The following PDE11A variants were observed in gnomAD, a reference collection of about 807,000 sequenced individuals.
PDE11A encodes the protein dual 3',5'-cyclic-AMP and -GMP phosphodiesterase 11A.
In PDE11A, 100 loss-of-function variants were observed where a neutral mutation model predicts 100.5. The ratio of observed to expected loss-of-function variants is 1.00; its 90% confidence interval spans 0.85 to 1.18. The LOEUF is 1.18. Ranked by LOEUF, PDE11A falls within the 50% of genes most tolerant of loss-of-function variation. PDE11A has a pLI of 0.00. For synonymous variants in PDE11A, 381 were observed against 420.8 expected (o/e 0.91, Z 1.16); for missense variants, 1,141 against 1,152.6 (o/e 0.99, Z 0.15).
chr2:177,689,018 A>G (rs1230318205), intron 15 of PDE11A, among the ~76,000 whole-genome samples: 2 of 152,218 alleles, frequency 1.3e-5, no homozygotes, highest in Admixed American at 6.5e-5. Flanking sequence ...GAAAGTCCAT[A>G]AACATTAGGA....
intron 14 of PDE11A, 50 bp from the exon 15 acceptor site, chr2:177,697,482 T>G (rs1484979962): frequency 1.1e-6 from 1 of 888,740 alleles, no homozygotes; most frequent in Non-Finnish European, 1.9e-6. Context: ...CTGTGGTTGT[T>G]GATTACATGT....
At chr2:177,779,494 T>G (rs2082422922) in intron 9 of PDE11A, among the ~76,000 whole-genome samples, 1 of 152,256 alleles carries the variant, frequency 6.6e-6, no homozygotes, top group Non-Finnish European at 1.5e-5. Context: ...GCCACTGTTT[T>G]GTCAACTAAA....
At chr2:177,964,687 G>A (rs2085676756) in intron 2 of PDE11A, among the ~76,000 whole-genome samples, 1 of 152,146 alleles carries the variant, frequency 6.6e-6, no homozygotes, top group South Asian at 2.1e-4. Context: ...ATAGACTCCA[G>A]CTCCATCCAT....
intron 2 of PDE11A, among the ~76,000 whole-genome samples, chr2:177,962,354 C>G (rs1418581046): frequency 6.6e-6 from 1 of 151,984 alleles, no homozygotes; most frequent in African/African-American, 2.4e-5. Context: ...ATCAATATCC[C>G]TAGTCACAGT....
chr2:177,906,009 C>G (rs2084780185), intron 2 of PDE11A, among the ~76,000 whole-genome samples: 1 of 152,128 alleles, frequency 6.6e-6, no homozygotes, highest in South Asian at 2.1e-4. Context: ...ATCTCTGATT[C>G]CAGAGAGATA....
Position 177,865,100 on chromosome 2 carries a change from A to G in PDE11A, c.1367+10759T>C, listed in dbSNP as rs147330782. ...TCAAGACCAGCCTGGCCAACATGGC[A>G]AAACCCAATCTCTACTAAAAGTACA... is the stretch of plus-strand genomic sequence containing the variant. On this transcript the variant is annotated intron_variant, in intron 5 of 19. Coordinates refer to ENST00000286063, the MANE Select transcript of PDE11A (RefSeq NM_016953.4). Among the ~76,000 whole-genome samples the G allele has an allele frequency of 7.3e-3, 1,104 of 152,222 alleles. 13 individuals are homozygous for G. The highest frequency in any genetic ancestry group is 0.025 in the African/African-American group (1,028 of 41,546).
intron 5 of PDE11A, among the ~76,000 whole-genome samples, chr2:177,862,663 C>T (rs899248942): frequency 8.6e-5 from 13 of 151,782 alleles, no homozygotes; most frequent in African/African-American, 3.1e-4. Context: ...AACTATAAAT[C>T]ACTGATGAAA....
At chr2:178,050,181 T>G (rs2086805535) in intron 1 of PDE11A, among the ~76,000 whole-genome samples, 1 of 152,164 alleles carries the variant, frequency 6.6e-6, no homozygotes, top group African/African-American at 2.4e-5. Flanking sequence ...CAGCAACATT[T>G]GCCGTTCTGC....
chr2:177,679,704 G>A (rs2080831868), intron 16 of PDE11A, among the ~76,000 whole-genome samples: 1 of 152,140 alleles, frequency 6.6e-6, no homozygotes, highest in Admixed American at 6.5e-5. Context: ...AGAAAAGGCA[G>A]CCTGTAGGGA....
chr2:177,863,268 T>C (rs1039360283), intron 5 of PDE11A, among the ~76,000 whole-genome samples: 5 of 151,974 alleles, frequency 3.3e-5, no homozygotes, highest in Admixed American at 1.3e-4. Context: ...GACAATGCCT[T>C]GGTCATGATT....
chr2:177,718,597 AAAG>A (rs1559158640), intron 12 of PDE11A, among the ~76,000 whole-genome samples: 1 of 152,212 alleles, frequency 6.6e-6, no homozygotes, highest in Non-Finnish European at 1.5e-5. Flanking sequence ...TTTGGAGAGA[AAAG>A]AAAGATACAA....
chr2:177,793,578 G>A (rs1282004893), intron 9 of PDE11A, among the ~76,000 whole-genome samples: 1 of 148,466 alleles, frequency 6.7e-6, no homozygotes, highest in Non-Finnish European at 1.5e-5. Context: ...ACTCAGGGAG[G>A]AAAGGACCAG....
chr2:177,921,678 C>A (rs777623495), intron 2 of PDE11A: 1 of 152,102 alleles, frequency 6.6e-6, no homozygotes, highest in Non-Finnish European at 1.5e-5. Flanking sequence ...TATACATATT[C>A]TTCCAGACCC....
rs188494592 is a variant in PDE11A at position 177,777,434 on chromosome 2, T to C, written c.1738-8061A>G. On this transcript the variant is annotated intron_variant, in intron 9 of 19. Coordinates refer to ENST00000286063, the MANE Select transcript of PDE11A (RefSeq NM_016953.4). ...ACTGTTTTATATACATAAATAATATTATATGGCTCAGATAATGACTAAAAA... is the reference window on the plus strand; with the variant it reads ...ACTGTTTTATATACATAAATAATATCATATGGCTCAGATAATGACTAAAAA... Among the ~76,000 whole-genome samples the C allele has an allele frequency of 1.4e-4, 22 of 152,304 alleles. No homozygotes were observed. In the East Asian group the frequency reaches 4.2e-3, roughly 29 times the overall value.
At chr2:177,972,149 G>C (rs1189918818) in intron 2 of PDE11A, among the ~76,000 whole-genome samples, 1 of 152,148 alleles carries the variant, frequency 6.6e-6, no homozygotes, top group Non-Finnish European at 1.5e-5. Context: ...AAAAGTGGTA[G>C]ACAATGTCAT....
chr2:177,874,823 G>A (rs559601988), intron 5 of PDE11A, among the ~76,000 whole-genome samples: 1 of 152,272 alleles, frequency 6.6e-6, no homozygotes, highest in South Asian at 2.1e-4. Flanking sequence ...TGAAACTGTT[G>A]GCTTAATGAA....
chr2:177,756,555 C>T (rs942906554), intron 10 of PDE11A, among the ~76,000 whole-genome samples: 46 of 152,144 alleles, frequency 3.0e-4, no homozygotes, highest in Non-Finnish European at 4.1e-4. Flanking sequence ...GTGTTGAGGA[C>T]GGCCACCTGT....
At chr2:177,670,181 A>G (rs1328335097) in intron 17 of PDE11A, among the ~76,000 whole-genome samples, 2 of 152,194 alleles carry the variant, frequency 1.3e-5, no homozygotes, top group African/African-American at 4.8e-5. Flanking sequence ...AGGTCACGGT[A>G]TAGTTTGAAG....
chr2:177,652,506 T>C (rs140002296), intron 19 of PDE11A, among the ~76,000 whole-genome samples: 2 of 152,270 alleles, frequency 1.3e-5, no homozygotes, highest in Non-Finnish European at 2.9e-5. Context: ...TAAGATTTTT[T>C]TCCTGTAGTA....
Sources: gnomAD v4.1 joint callset for allele counts (sites outside exome capture counted in the v4.1 genomes callset) on GRCh38, gnomAD v4.1.1 for gene constraint, MANE v1.5 for transcripts, NCBI Gene and HGNC (gene_info 2026-07-23, HGNC 2026-07-21) for gene names.